CHAF1B: variants seen among roughly 807,000 people sequenced by gnomAD.
CHAF1B encodes CAF-1 subunit B.
A neutral mutation model predicts 60.7 loss-of-function variants in CHAF1B; 10 were observed. The ratio of observed to expected loss-of-function variants is 0.16; its 90% CI spans 0.10 to 0.28. The LOEUF is 0.28. CHAF1B is among the 10% of genes least tolerant of loss of function. CHAF1B has a pLI of 1.00. For synonymous variants in CHAF1B, 261 were observed against 266.1 expected (o/e 0.98, Z 0.19); for missense variants, 558 against 708.4 (o/e 0.79, Z 2.41).
In CHAF1B at chr21:36,415,355, G is replaced by A. The variant is rs865977939; in HGVS notation, c.1554G>A (p.Val518=). 1 of 1,610,894 alleles carries A rather than the reference G, an allele frequency of 6.2e-7. No individual in the cohort carries two copies. Among genetic ancestry groups the A allele is most frequent in the Middle Eastern group, 1.7e-4 (1 of 6,048 alleles). The change falls in exon 13 of 14, where the codon GTG becomes GTA. Residue 518 remains valine, a synonymous_variant. Transcript: ENST00000314103. ...DTPPSSVPTS[V]ISTPSTEEIQ... ...CACCAAGTTCTGTACCAACCAGTGT[G>A]ATTTCCACCCCTTCTACAGAAGAAA...
At chr21:36,390,066 G>C (rs564506271) in intron 3 of CHAF1B, among the ~76,000 whole-genome samples, 1 of 152,160 alleles carries the variant, frequency 6.6e-6, no homozygotes, top group South Asian at 2.1e-4. Context: ...GGGTGCGGTG[G>C]CTCACGCCTG....
chr21:36,389,759 A>ATATGTG (rs1491586590), intron 3 of CHAF1B, among the ~76,000 whole-genome samples: 43 of 125,884 alleles, frequency 3.4e-4, no homozygotes, highest in African/African-American at 1.0e-3. Flanking sequence ...GCATGAAGGG[A>ATATGTG]TGTGTGTGTG....
Position 36,400,421 on chromosome 21 carries a change from A to T in CHAF1B, c.663+816A>T, listed in dbSNP as rs534739534. 7.9e-5 allele frequency among the ~76,000 whole-genome samples: 12 copies of T among 152,294 alleles called. No individual in the cohort carries two copies. The South Asian group carries it at 2.5e-3, about 32-fold the overall frequency. On this transcript the variant is annotated intron_variant, in intron 7 of 13. Transcript: ENST00000314103. ...GGGAGGTGGAGGTTGCAGTGAGCTGAAATCACACCATTGCACTCCAGCCTG... is the reference window on the plus strand; with the variant it reads ...GGGAGGTGGAGGTTGCAGTGAGCTGTAATCACACCATTGCACTCCAGCCTG...
intron 11 of CHAF1B, among the ~76,000 whole-genome samples, 199 bp downstream of exon 11, chr21:36,411,803 A>C (rs148599850): frequency 0.015 from 2,333 of 152,096 alleles, 58 homozygotes; most frequent in African/African-American, 0.053. Flanking sequence ...ATCTCGTTTC[A>C]CTGCAACCTC....
intron 3 of CHAF1B, chr21:36,388,876 C>T: frequency 6.6e-6 from 1 of 152,240 alleles, no homozygotes; most frequent in African/African-American, 2.4e-5. Flanking sequence ...ACTGGCCCCT[C>T]TTCAGTGGGC....
chr21:36,387,478 C>T (rs2086044086), intron 2 of CHAF1B, 120 bp from the exon 3 acceptor site: 2 of 1,309,278 alleles, frequency 1.5e-6, no homozygotes, highest in Non-Finnish European at 2.1e-6. Flanking sequence ...ACCTTGGCCT[C>T]CTAAACTGCT....
chr21:36,414,458 G>C (rs545968159), intron 12 of CHAF1B, among the ~76,000 whole-genome samples: 1 of 152,186 alleles, frequency 6.6e-6, no homozygotes, highest in South Asian at 2.1e-4. Flanking sequence ...TTTTCTGTTT[G>C]TTTTTATGTG....
chr21:36,401,105 A>G (rs1320749974), intron 7 of CHAF1B, among the ~76,000 whole-genome samples: 3 of 151,976 alleles, frequency 2.0e-5, no homozygotes. Flanking sequence ...TGTCTCTACT[A>G]GAAATACAGA....
intron 3 of CHAF1B, among the ~76,000 whole-genome samples, chr21:36,389,790 T>TGTGTGTGTGC: frequency 7.6e-6 from 1 of 131,132 alleles, no homozygotes; most frequent in Non-Finnish European, 1.5e-5. Context: ...TGTGTGTGTG[T>TGTGTGTGTGC]GTGTGTGTGT....
Position 36,399,609 on chromosome 21 carries a change from T to C in CHAF1B, c.663+4T>C. 1.2e-6 allele frequency: 2 copies of C among 1,612,712 alleles called. No homozygotes were observed. Among genetic ancestry groups the C allele is most frequent in the Non-Finnish European group, 1.7e-6 (2 of 1,178,702 alleles). ...TGGAATAGGGGCTGAAGGAGAGGTATAAAATATTTTGCCATTCTTTTTCAG... is the reference window on the plus strand; with the variant it reads ...TGGAATAGGGGCTGAAGGAGAGGTACAAAATATTTTGCCATTCTTTTTCAG... On this transcript the variant is annotated splice_donor_region_variant and intron_variant, in intron 7 of 13. Transcript: ENST00000314103.
Position 36,409,046 on chromosome 21 carries a change from G to C in CHAF1B, c.827+216G>C, listed in dbSNP as rs147720542. Among the ~76,000 whole-genome samples, 727 of 152,148 alleles carry C rather than the reference G, an allele frequency of 4.8e-3. 10 individuals are homozygous for C. Among genetic ancestry groups the C allele is most frequent in the African/African-American group, 0.016 (673 of 41,492 alleles). ...ATTTTTGTATTTTTAGTAGAGATGG[G>C]GTTGCACCATGTTGGCCAGGTTGGT... On this transcript the variant is annotated intron_variant, in intron 9 of 13. Coordinates refer to ENST00000314103, the MANE Select transcript of CHAF1B (RefSeq NM_005441.3).
At chr21:36,401,996 C>T (rs138990766) in intron 7 of CHAF1B, among the ~76,000 whole-genome samples, 2,985 of 152,224 alleles carry the variant, frequency 0.02, 53 homozygotes, top group Admixed American at 0.043. Context: ...CCGCCTTGGC[C>T]TCCCAAAGTG....
intron 6 of CHAF1B, chr21:36,397,717 ATCTTT>A: frequency 3.8e-6 from 1 of 263,656 alleles, no homozygotes; most frequent in Non-Finnish European, 6.9e-6. Flanking sequence ...TACTTAGTAA[ATCTTT>A]TTTTTTTTTT....
intron 5 of CHAF1B, among the ~76,000 whole-genome samples, chr21:36,396,358 C>CAAAAAAAAAAAAAAAAAAAAAAA (rs777079304): frequency 1.9e-5 from 1 of 52,834 alleles, no homozygotes; most frequent in African/African-American, 6.9e-5. Flanking sequence ...CCAAAAACCT[C>CAAAAAAAAAAAAAAAAAAAAAAA]AAAAAAAAAA....
chr21:36,413,569 G>A (rs1327851295), intron 12 of CHAF1B, among the ~76,000 whole-genome samples: 2 of 152,142 alleles, frequency 1.3e-5, no homozygotes, highest in Admixed American at 1.3e-4. Context: ...GCTGCAGCCT[G>A]TCATCCAGGA....
chr21:36,392,879 G>C (rs1368122065), intron 4 of CHAF1B, among the ~76,000 whole-genome samples: 4 of 152,226 alleles, frequency 2.6e-5, no homozygotes, highest in Admixed American at 2.6e-4. Flanking sequence ...GGTGGAGGTT[G>C]TAGCGAGCGG....
At chr21:36,386,342 G>A in intron 2 of CHAF1B, 80 bp downstream of exon 2, 2 of 1,547,278 alleles carry the variant, frequency 1.3e-6, no homozygotes, top group African/African-American at 1.4e-5. Context: ...ACCAGTGTCG[G>A]CTGGGCGCGG....
At chr21:36,411,223 C>T (rs2086275736) in intron 10 of CHAF1B, among the ~76,000 whole-genome samples, 1 of 151,766 alleles carries the variant, frequency 6.6e-6, no homozygotes, top group African/African-American at 2.4e-5. Context: ...AAGCGATTCT[C>T]CTGTCTCAGC....
intron 10 of CHAF1B, among the ~76,000 whole-genome samples, chr21:36,410,164 T>C (rs2086266874): frequency 6.6e-6 from 1 of 152,152 alleles, no homozygotes; most frequent in Admixed American, 6.5e-5. Flanking sequence ...GATTTTGCCA[T>C]GTTGGCCAGG....
Sources: gnomAD v4.1 joint callset for allele counts (sites outside exome capture counted in the v4.1 genomes callset) on GRCh38, gnomAD v4.1.1 for gene constraint, MANE v1.5 for transcripts, NCBI Gene and HGNC (gene_info 2026-07-23, HGNC 2026-07-21) for gene names.